Variants in ABCA1 observed in about 807,000 individuals in gnomAD.
ABCA1 encodes phospholipid-transporting ATPase ABCA1.
Under a neutral mutation model 262.5 loss-of-function variants are expected in ABCA1, and 133 were observed. That is an observed-to-expected ratio of 0.51 (90% confidence interval 0.44 to 0.59). The LOEUF (loss-of-function observed/expected upper bound fraction) is 0.59. Among genes scored for constraint, ABCA1 ranks in the 20% least tolerant of loss-of-function variants. The pLI is 0.00. For missense variants in ABCA1, 2,452 were observed against 2,777.5 expected, an observed-to-expected ratio of 0.88 and a Z score of 2.63; for synonymous variants, 1,022 against 1,043.5, an observed-to-expected ratio of 0.98 and a Z score of 0.40.
chr9:104,918,244 C>T (rs1841954024), intron 1 of ABCA1, among the ~76,000 whole-genome samples: 1 of 152,100 alleles, frequency 6.6e-6, no homozygotes, highest in African/African-American at 2.4e-5. Flanking sequence ...AATGAGGAGC[C>T]AAACAATGCC....
chr9:104,903,788 G>A lies in ABCA1; in HGVS notation c.-92-17C>T. On this transcript the variant is annotated splice_polypyrimidine_tract_variant and intron_variant, in intron 1 of 49. Coordinates refer to ENST00000374736, the MANE Select transcript of ABCA1 (RefSeq NM_005502.4). ...GGTCATTAACTGAAAGATAAAGCAG[G>A]AGGGGAAACAGCCATCAGTTATTGC... is the stretch of plus-strand genomic sequence containing the variant. 5 of 1,025,706 alleles carry A rather than the reference G, an allele frequency of 4.9e-6. No individual in the cohort carries two copies. The highest frequency in any genetic ancestry group is 4.1e-5 in the South Asian group (3 of 73,268). The allele number at this position is 1,025,706 out of a possible 1,614,324, so 63.5% of individuals were successfully genotyped here. A position where few individuals can be genotyped will look rare whatever the true frequency, so the allele number is the denominator to read the frequency against.
At position 104,822,599 on chromosome 9, in the gene ABCA1, G is replaced by A. The variant is rs1400383111; in HGVS notation, c.2725C>T (p.Arg909Ter). ...VSIQNLVKVY[R>*]DGMKVAVDGL... ...TCGACAGCCACCTTCATCCCATCTC[G>A]GTAGACTTTTACCAGGTTCTGAATG... is the stretch of plus-strand genomic sequence containing the variant. The change falls in exon 19 of 50, where the codon CGA becomes TGA. Residue 909 changes from arginine (R) to a stop codon, truncating the protein, a stop_gained. Coordinates refer to ENST00000374736, the MANE Select transcript of ABCA1 (RefSeq NM_005502.4). LOFTEE classifies it high-confidence loss of function. The A allele has an allele frequency of 3.1e-6, 5 of 1,613,938 alleles. No homozygotes were observed. The highest frequency in any genetic ancestry group is 4.5e-5 in the East Asian group (2 of 44,882).
chr9:104,829,689 C>T (rs1201368280), intron 14 of ABCA1, among the ~76,000 whole-genome samples: 2 of 152,164 alleles, frequency 1.3e-5, no homozygotes, highest in Non-Finnish European at 2.9e-5. Context: ...TACATGACAA[C>T]AGGCACCAGC....
At position 104,819,609 on chromosome 9, in the gene ABCA1, T is replaced by C; in HGVS notation, c.3218A>G (p.Glu1073Gly). 1 of 1,614,164 alleles carries C rather than the reference T, an allele frequency of 6.2e-7. No individual in the cohort carries two copies. Among genetic ancestry groups the C allele is most frequent in the Non-Finnish European group, 8.5e-7 (1 of 1,180,032 alleles). Residue 1073 changes from glutamate (E) to glycine (G), a missense_variant, in exon 22 of 50, where the codon GAG becomes GGG. By Grantham distance (98) the Glu-to-Gly change is moderately conservative. Around this residue, in one of 4 missense-constraint regions of ABCA1, gnomAD observed 665 missense variants for 727.3 expected, o/e 0.91. Coordinates refer to ENST00000374736, the MANE Select transcript of ABCA1 (RefSeq NM_005502.4). ...ACCTTGTCGGTATTTCAGCAGCAGC[T>C]CCCATATTCCCCTGCGGGAGTAAGG... ...VDPYSRRGIW[E>G]LLLKYRQGRT...
chr9:104,823,396 A>G (rs1213153354), intron 18 of ABCA1, among the ~76,000 whole-genome samples: 1 of 152,238 alleles, frequency 6.6e-6, no homozygotes, highest in African/African-American at 2.4e-5. Flanking sequence ...ACCTATGTCA[A>G]TTTCATGGTT....
Position 104,825,872 on chromosome 9 carries a change from C to A in ABCA1, c.2353G>T (p.Val785Leu), listed in dbSNP as rs1473779586. 6.2e-7 allele frequency: 1 copy of A among 1,614,080 alleles called. No individual in the cohort carries two copies. Among genetic ancestry groups the A allele is most frequent in the Admixed American group, 1.7e-5 (1 of 60,030 alleles). ...TACTCACAGCCAAACCCAAAAGCCACAGGAGACAGCAGGCTCTGTGAGAAA... is the reference window on the plus strand; with the variant it reads ...TACTCACAGCCAAACCCAAAAGCCAAAGGAGACAGCAGGCTCTGTGAGAAA... ...LKIFASLLSP[V>L]AFGFGCEYFA... Residue 785 changes from valine to leucine, a missense_variant, in exon 17 of 50, where the codon GTG (valine) becomes TTG (leucine). Val to Leu is a conservative substitution (Grantham distance 32). Around this residue, in one of 4 missense-constraint regions of ABCA1, gnomAD observed 1,032 missense variants for 1,089.7 expected, o/e 0.95. Transcript: ENST00000374736.
Position 104,816,205 on chromosome 9 carries a change from C to T in ABCA1, c.3676G>A (p.Asp1226Asn). Residue 1226 changes from aspartate (D) to asparagine (N), a missense_variant, in exon 25 of 50, where the codon GAT becomes AAT. By Grantham distance (23) the Asp-to-Asn change is conservative. This residue lies in a region of ABCA1 where 665 missense variants were observed against 727.3 expected (regional missense o/e 0.91). Coordinates refer to ENST00000374736, the MANE Select transcript of ABCA1 (RefSeq NM_005502.4). ...ATGCCCAGGTCTGAGAGCCGGTCAT[C>T]AATCTCATGAAAGAGTTCCACAAAG... ...GAFVELFHEIDDRLSDLGISS... is the reference protein window; with the variant it reads ...GAFVELFHEINDRLSDLGISS... 1 of 1,614,186 alleles carries T rather than the reference C, an allele frequency of 6.2e-7. No individual in the cohort carries two copies.
Position 104,829,113 on chromosome 9 carries a change from T to C in ABCA1, c.1918A>G (p.Met640Val), listed in dbSNP as rs777025735. The C allele has an allele frequency of 1.6e-5, 26 of 1,613,996 alleles. No individual in the cohort carries two copies. Among genetic ancestry groups the C allele is most frequent in the Non-Finnish European group, 1.9e-5 (22 of 1,180,044 alleles). Residue 640 changes from methionine (M) to valine (V), a missense_variant, in exon 15 of 50, where the codon ATG becomes GTG. Physicochemically the swap from Met to Val is conservative, Grantham distance 21. Around this residue, in one of 4 missense-constraint regions of ABCA1, gnomAD observed 1,032 missense variants for 1,089.7 expected, o/e 0.95. Transcript: ENST00000374736. ...DIFLRVMSRS[M>V]PLFMTLAWIY... The stretch of plus-strand genomic sequence containing the variant: ...CAGGCCAGCGTCATGAAGAGGGGCA[T>C]TGACCGGCTCATCACCCGCAGAAAG...
intron 5 of ABCA1, among the ~76,000 whole-genome samples, chr9:104,866,805 G>A (rs1030721342): frequency 1.7e-4 from 26 of 152,128 alleles, no homozygotes; most frequent in Admixed American, 6.5e-4. Flanking sequence ...ACTCTTTTGT[G>A]CCCAACATCC....
chr9:104,810,278 A>G (rs1033514194), intron 29 of ABCA1, among the ~76,000 whole-genome samples: 4 of 151,808 alleles, frequency 2.6e-5, no homozygotes, highest in Non-Finnish European at 2.9e-5. Flanking sequence ...AGACCCAGAA[A>G]AATCCTTTGT....
chr9:104,803,418 A>G (rs1274918979), intron 32 of ABCA1, 102 bp from the exon 33 acceptor site: 1 of 1,191,442 alleles, frequency 8.4e-7, no homozygotes, highest in East Asian at 2.3e-5. Context: ...TAAGGAACGG[A>G]CAGAAATAAC....
chr9:104,799,076 C>G (rs987932708), intron 36 of ABCA1, among the ~76,000 whole-genome samples: 1 of 152,114 alleles, frequency 6.6e-6, no homozygotes. Context: ...CTAACACATA[C>G]AAAAATTCTG....
intron 1 of ABCA1, among the ~76,000 whole-genome samples, chr9:104,913,943 CCGCCTGCCAACACGCCCG>C (rs1841666350): frequency 6.9e-6 from 1 of 145,200 alleles, no homozygotes; most frequent in Non-Finnish European, 1.5e-5. Context: ...CTACCGACAG[CCGCCTGCCAACACGCCCG>C]GCTAATTTTT....
At chr9:104,831,178 A>G in intron 13 of ABCA1, 77 bp from the exon 14 acceptor site, 1 of 1,319,112 alleles carries the variant, frequency 7.6e-7, no homozygotes, top group African/African-American at 1.5e-5. Flanking sequence ...AAATTGCCCA[A>G]AACCCTACTA....
chr9:104,838,928 C>T (rs1334044416), intron 9 of ABCA1, among the ~76,000 whole-genome samples: 1 of 151,832 alleles, frequency 6.6e-6, no homozygotes, highest in African/African-American at 2.4e-5. Context: ...ATTAAAGTTG[C>T]CTACAATACC....
chr9:104,855,799 T>C (rs1835785447), intron 7 of ABCA1: 3 of 1,584,012 alleles, frequency 1.9e-6, no homozygotes, highest in Non-Finnish European at 1.7e-6. Flanking sequence ...TGCCATACTT[T>C]CCCCATGTTG....
At chr9:104,831,288 G>T (rs1179592019) in intron 13 of ABCA1, among the ~76,000 whole-genome samples, 187 bp from the exon 14 acceptor site, 1 of 150,082 alleles carries the variant, frequency 6.7e-6, no homozygotes, top group Non-Finnish European at 1.5e-5. Flanking sequence ...TGCGATCTTA[G>T]CTCACTGCAA....
At chr9:104,788,159 C>A in intron 45 of ABCA1, 105 bp from the exon 46 acceptor site, 1 of 1,326,794 alleles carries the variant, frequency 7.5e-7, no homozygotes, top group Non-Finnish European at 1.1e-6. Flanking sequence ...GGACTAGATT[C>A]TATAATCATA....
chr9:104,855,971 T>G, intron 7 of ABCA1: 1 of 1,612,924 alleles, frequency 6.2e-7, no homozygotes, highest in Non-Finnish European at 8.5e-7. Flanking sequence ...GAAGCACATA[T>G]TGAAAGAAGA....
Sources: gnomAD v4.1 joint callset for allele counts (sites outside exome capture counted in the v4.1 genomes callset) on GRCh38, gnomAD v4.1.1 for gene constraint, gnomAD v4.1.1 regional missense constraint, MANE v1.5 for transcripts, NCBI Gene and HGNC (gene_info 2026-07-23, HGNC 2026-07-21) for gene names.